The following DST variants were observed in gnomAD, a reference collection of about 807,000 sequenced individuals.
DST encodes bullous pemphigoid antigen.
In DST, 253 loss-of-function variants were observed where a neutral mutation model predicts 875.2. That is an observed-to-expected ratio of 0.29 (90% CI 0.26 to 0.32). The LOEUF (loss-of-function observed/expected upper bound fraction) is 0.32. DST is among the 10% of genes least tolerant of loss of function. The pLI is 1.00. For missense variants in DST, 8,287 were observed against 9,111.6 expected, an observed-to-expected ratio of 0.91 and a Z score of 3.68; for synonymous variants, 3,124 against 3,197.1, an observed-to-expected ratio of 0.98 and a Z score of 0.77.
intron 3 of DST, among the ~76,000 whole-genome samples, chr6:56,883,423 T>A (rs1001022023): frequency 7.2e-5 from 11 of 152,346 alleles, no homozygotes; most frequent in African/African-American, 2.6e-4. Flanking sequence ...AAGCAAATAG[T>A]TCTTTGTTAA....
intron 26 of DST, 45 bp downstream of exon 26, chr6:56,634,417 G>A (rs1325740329): frequency 1.2e-6 from 2 of 1,611,144 alleles, no homozygotes; most frequent in African/African-American, 2.7e-5. Flanking sequence ...AACCTTCAGA[G>A]GGCCCCCAAA....
chr6:56,658,740 A>T (rs1310317336), intron 10 of DST, among the ~76,000 whole-genome samples: 1 of 152,230 alleles, frequency 6.6e-6, no homozygotes, highest in African/African-American at 2.4e-5. Context: ...TGCATTTACC[A>T]TGTTCCAGGA....
At chr6:56,708,858 T>C (rs17684553) in intron 5 of DST, among the ~76,000 whole-genome samples, 22,408 of 152,216 alleles carry the variant, frequency 0.15, 2,142 homozygotes, top group Non-Finnish European at 0.22. Flanking sequence ...TATTTTACCC[T>C]AGGAGTGAGT....
At chr6:56,759,929 T>C (rs2099613434) in intron 4 of DST, among the ~76,000 whole-genome samples, 1 of 152,230 alleles carries the variant, frequency 6.6e-6, no homozygotes, top group African/African-American at 2.4e-5. Context: ...CAGAATCATT[T>C]TGTGGTCCAA....
chr6:56,731,827 T>C (rs1417424148), intron 5 of DST, among the ~76,000 whole-genome samples: 1 of 152,204 alleles, frequency 6.6e-6, no homozygotes, highest in Middle Eastern at 3.2e-3. Context: ...TTACTTTACC[T>C]TTTTATACAT....
intron 2 of DST, among the ~76,000 whole-genome samples, chr6:56,917,931 A>G (rs1245503427): frequency 1.3e-5 from 2 of 152,172 alleles, no homozygotes; most frequent in Non-Finnish European, 2.9e-5. Context: ...CCCTTTTTTG[A>G]ACCCTATAAA....
chr6:56,763,767 G>A (rs540358430), intron 4 of DST, among the ~76,000 whole-genome samples: 1 of 148,270 alleles, frequency 6.7e-6, no homozygotes, highest in East Asian at 2.1e-4. Flanking sequence ...ACCAAAGGAT[G>A]TGCCTAGCAA....
intron 4 of DST, among the ~76,000 whole-genome samples, chr6:56,805,562 A>G (rs767317983): frequency 6.6e-6 from 1 of 152,182 alleles, no homozygotes; most frequent in Non-Finnish European, 1.5e-5. Flanking sequence ...TAAACTATCA[A>G]TTTGGTTAAA....
intron 4 of DST, among the ~76,000 whole-genome samples, chr6:56,774,049 G>A (rs1238629483): frequency 6.6e-6 from 1 of 151,090 alleles, no homozygotes; most frequent in African/African-American, 2.4e-5. Context: ...AGGAGGTGGA[G>A]GTTGCAGTGA....
chr6:56,635,817 G>T, intron 23 of DST, 103 bp from the exon 24 acceptor site: 1 of 1,245,988 alleles, frequency 8.0e-7, no homozygotes, highest in Non-Finnish European at 1.2e-6. Flanking sequence ...CCTCATAAGT[G>T]AGAAGAGAAT....
At chr6:56,668,478 A>C (rs1343233824) in intron 10 of DST, among the ~76,000 whole-genome samples, 1 of 152,218 alleles carries the variant, frequency 6.6e-6, no homozygotes, top group Non-Finnish European at 1.5e-5. Context: ...ACGGTGGCTC[A>C]TGCCTGTAAT....
At chr6:56,558,343 T>A (rs1288433917) in intron 58 of DST, among the ~76,000 whole-genome samples, 3 of 152,160 alleles carry the variant, frequency 2.0e-5, no homozygotes, top group Non-Finnish European at 4.4e-5. Flanking sequence ...AACATCATCA[T>A]GTTTTACCTT....
At position 56,636,587 on chromosome 6, in the gene DST, C is replaced by T. The variant is rs2098828512; in HGVS notation, c.3030G>A (p.Gln1010=). 1 of 1,613,296 alleles carries T rather than the reference C, an allele frequency of 6.2e-7. No homozygotes were observed. The highest frequency in any genetic ancestry group is 1.7e-5 in the Admixed American group (1 of 59,996). ...AATACGCTGTGTTCTCCTTTATGTG[C>T]TGCTCCACACACTGGCAGAGCTGTA... The part of the protein sequence containing the change: ...WILQLCQCVE[Q]HIKENTAYFE... The change falls in exon 23 of 104, where the codon CAG becomes CAA. Residue 1010 remains glutamine (Q), a synonymous_variant. Transcript: ENST00000680361.
intron 5 of DST, among the ~76,000 whole-genome samples, chr6:56,722,807 G>T (rs998935686): frequency 6.6e-6 from 1 of 152,188 alleles, no homozygotes; most frequent in Non-Finnish European, 1.5e-5. Context: ...ACAAAGGCAG[G>T]GAGGTGAAAG....
At chr6:56,849,342 GA>G (rs890200265) in intron 4 of DST, among the ~76,000 whole-genome samples, 101 of 151,888 alleles carry the variant, frequency 6.6e-4, no homozygotes, top group African/African-American at 2.4e-3. Flanking sequence ...TCACCACATT[GA>G]CCAGGATGGT....
intron 57 of DST, 97 bp from the exon 58 acceptor site, chr6:56,560,520 G>A: frequency 3.8e-6 from 5 of 1,306,388 alleles, no homozygotes; most frequent in Admixed American, 5.0e-5. Flanking sequence ...ATGAAAAGAG[G>A]AAAAAATCTA....
At chr6:56,643,663 C>G (rs1392736675) in intron 15 of DST, among the ~76,000 whole-genome samples, 2 of 152,184 alleles carry the variant, frequency 1.3e-5, no homozygotes, top group African/African-American at 4.8e-5. Context: ...TTTATCCAAC[C>G]AGCCTCCTAA....
Position 56,838,907 on chromosome 6 carries a change from T to G in DST, c.625+12490A>C, listed in dbSNP as rs116572930. Among the ~76,000 whole-genome samples the G allele has an allele frequency of 1.8e-3, 277 of 152,390 alleles. 1 individual carries two copies. Among genetic ancestry groups the G allele is most frequent in the African/African-American group, 6.1e-3 (252 of 41,592 alleles). On this transcript the variant is annotated intron_variant, in intron 4 of 103. Transcript: ENST00000680361. ...TCAAACTTTAGTGAAGTCAAATATA[T>G]TGTGTGATGATTGTTAATATGTATC...
intron 9 of DST, chr6:56,692,841 T>C (rs2099240798): frequency 7.8e-7 from 1 of 1,289,862 alleles, no homozygotes; most frequent in Non-Finnish European, 1.0e-6. Flanking sequence ...CGCTGTCAGC[T>C]ACAACTTCTG....
Sources: allele counts gnomAD v4.1 joint callset (sites outside exome capture counted in the v4.1 genomes callset), GRCh38; gene constraint gnomAD v4.1.1; transcripts MANE v1.5; gene names NCBI Gene and HGNC (gene_info 2026-07-23, HGNC 2026-07-21).